RYR3: variants seen among roughly 807,000 people sequenced by gnomAD.
RYR3 encodes the protein ryanodine receptor 3, also known as brain ryanodine receptor-calcium release channel.
Under a neutral mutation model 584.3 loss-of-function variants are expected in RYR3, and 207 were observed. That is an observed-to-expected ratio of 0.35 (90% confidence interval 0.32 to 0.40). The LOEUF (loss-of-function observed/expected upper bound fraction) is 0.40, where lower values mean the gene tolerates loss of function less well. Among genes scored for constraint, RYR3 ranks in the 10% least tolerant of loss-of-function variants. The probability of loss-of-function intolerance (pLI) is 1.00; values close to 1 mark genes in which losing one functional copy is unlikely to be tolerated. For missense variants in RYR3, 5,616 were observed against 6,089.2 expected (o/e 0.92, Z 2.59); for synonymous variants, 2,416 against 2,248.5 (o/e 1.07, Z -2.11).
intron 38 of RYR3, among the ~76,000 whole-genome samples, chr15:33,693,250 A>G (rs1042479386): frequency 6.6e-6 from 1 of 152,366 alleles, no homozygotes; most frequent in African/African-American, 2.4e-5. Flanking sequence ...GTGATGCTGC[A>G]TGCCTGGTGC....
At chr15:33,768,316 T>A (rs926392099) in intron 60 of RYR3, among the ~76,000 whole-genome samples, 5 of 152,246 alleles carry the variant, frequency 3.3e-5, no homozygotes, top group Admixed American at 2.6e-4. Context: ...TCTTCATTTA[T>A]CCCTGAATGT....
chr15:33,399,130 C>A (rs1226152432), intron 1 of RYR3, among the ~76,000 whole-genome samples: 2 of 152,202 alleles, frequency 1.3e-5, no homozygotes, highest in African/African-American at 4.8e-5. Context: ...GGGCCAAATC[C>A]TGGCATTACC....
At chr15:33,422,795 A>G (rs1044851375) in intron 1 of RYR3, among the ~76,000 whole-genome samples, 1 of 152,200 alleles carries the variant, frequency 6.6e-6, no homozygotes, top group African/African-American at 2.4e-5. Flanking sequence ...TATCCCCTGT[A>G]AAACAGTTTA....
chr15:33,442,488 A>AT (rs2046309434), intron 1 of RYR3, among the ~76,000 whole-genome samples: 1 of 152,170 alleles, frequency 6.6e-6, no homozygotes, highest in African/African-American at 2.4e-5. Context: ...ACTATTTGAG[A>AT]ATTTCGGTAT....
Position 33,481,646 on chromosome 15 carries a change from A to G in RYR3, c.171+8108A>G, listed in dbSNP as rs1263698750. Among the ~76,000 whole-genome samples the G allele has an allele frequency of 2.6e-5, 4 of 151,672 alleles. No individual in the cohort carries two copies. In the East Asian group the frequency reaches 7.8e-4, roughly 29 times the overall value. On this transcript the variant is annotated intron_variant, in intron 2 of 103. Coordinates refer to ENST00000634891, the MANE Select transcript of RYR3 (RefSeq NM_001036.6). ...CAGGCACCTGCCACCAGGCCCAGCT[A>G]ATTTTTTGTATATTTAGTAGAGATG...
At chr15:33,736,365 C>A in intron 49 of RYR3, 40 bp downstream of exon 49, 1 of 1,394,060 alleles carries the variant, frequency 7.2e-7, no homozygotes, top group Non-Finnish European at 1.0e-6. Context: ...GTCTATTGCA[C>A]AGGAAACTTG....
chr15:33,483,312 C>T (rs1439335515), intron 2 of RYR3, among the ~76,000 whole-genome samples: 1 of 152,124 alleles, frequency 6.6e-6, no homozygotes, highest in East Asian at 1.9e-4. Flanking sequence ...CTTCTAATGA[C>T]TGACTTTGCT....
intron 1 of RYR3, among the ~76,000 whole-genome samples, chr15:33,319,001 G>A (rs1366473201): frequency 1.3e-5 from 2 of 152,286 alleles, no homozygotes; most frequent in Middle Eastern, 3.4e-3. Context: ...GCTAAGGGGA[G>A]CTGCTTATCC....
At chr15:33,822,042 G>A (rs1031210440) in intron 80 of RYR3, among the ~76,000 whole-genome samples, 5 of 70,930 alleles carry the variant, frequency 7.0e-5, no homozygotes, top group Admixed American at 2.7e-4. Flanking sequence ...TTGAGCAACT[G>A]TTTACTGACT....
chr15:33,821,234 G>C lies in RYR3; in HGVS notation c.10816-36G>C, dbSNP rs373352072. 2.2e-5 allele frequency: 34 copies of C among 1,511,948 alleles called. 1 individual carries two copies. In the African/African-American group the frequency reaches 5.2e-4, roughly 23 times the overall value. The allele number at this position is 1,511,948 out of a possible 1,614,324, so 93.7% of individuals were successfully genotyped here. A position where few individuals can be genotyped will look rare whatever the true frequency, so the allele number is the denominator to read the frequency against. ...GGGTGAACTCCCTGGTGCTGGGTAGGAACCAATCTTTCCCTGTGATTTTTT... is the reference window on the plus strand; with the variant it reads ...GGGTGAACTCCCTGGTGCTGGGTAGCAACCAATCTTTCCCTGTGATTTTTT... On this transcript the variant is annotated intron_variant, in intron 78 of 103. Transcript: ENST00000634891.
chr15:33,349,043 CT>C (rs1032042058), intron 1 of RYR3, among the ~76,000 whole-genome samples: 1 of 145,814 alleles, frequency 6.9e-6, no homozygotes, highest in Admixed American at 6.9e-5. Flanking sequence ...AGACTGGTTT[CT>C]TTTGCTTAGC....
In RYR3 at chr15:33,539,264, T is replaced by G. The variant is rs1337997129; in HGVS notation, c.434-86T>G. 5.1e-6 allele frequency: 4 copies of G among 788,676 alleles called. No individual in the cohort carries two copies. In the East Asian group the frequency reaches 1.1e-4, roughly 21 times the overall value. 48.9% of individuals were successfully genotyped at this position (788,676 alleles called of 1,614,324 possible). ...CACTTGTTGTGTGCACGTGAAGGGT[T>G]GTCCTAAGAGGAAGGAGAACAAGGA... is the stretch of plus-strand genomic sequence containing the variant. On this transcript the variant is annotated intron_variant, in intron 5 of 103. Transcript: ENST00000634891.
At chr15:33,560,451 A>ATT (rs3838862) in intron 10 of RYR3, among the ~76,000 whole-genome samples, 75,975 of 150,788 alleles carry the variant, frequency 0.5, 19,687 homozygotes, top group South Asian at 0.64. Flanking sequence ...AGATCTTTGT[A>ATT]TTTTTTTTTT....
Position 33,544,735 on chromosome 15 carries a change from A to G in RYR3, c.740+1020A>G, listed in dbSNP as rs76159922. On this transcript the variant is annotated intron_variant, in intron 8 of 103. Coordinates refer to ENST00000634891, the MANE Select transcript of RYR3 (RefSeq NM_001036.6). ...AGTTCTGAGTCTCTTCCTACTTGCTATCTACTCTGAATACCCTTTCATAGG... is the reference window on the plus strand; with the variant it reads ...AGTTCTGAGTCTCTTCCTACTTGCTGTCTACTCTGAATACCCTTTCATAGG... Among the ~76,000 whole-genome samples, 814 of 152,232 alleles carry G rather than the reference A, an allele frequency of 5.3e-3. 6 individuals are homozygous for G. Among genetic ancestry groups the G allele is most frequent in the African/African-American group, 0.016 (679 of 41,544 alleles).
chr15:33,534,900 G>A (rs2055196996), intron 5 of RYR3, among the ~76,000 whole-genome samples: 2 of 152,320 alleles, frequency 1.3e-5, no homozygotes, highest in South Asian at 4.1e-4. Context: ...TCCATTTAGA[G>A]GTTGGGCTAG....
chr15:33,435,714 G>C (rs185298282), intron 1 of RYR3, among the ~76,000 whole-genome samples: 1 of 152,102 alleles, frequency 6.6e-6, no homozygotes, highest in African/African-American at 2.4e-5. Flanking sequence ...TGTTCCTCCC[G>C]GTAGGTTCCT....
chr15:33,822,351 AG>A (rs1407141919), intron 80 of RYR3, among the ~76,000 whole-genome samples: 5 of 152,332 alleles, frequency 3.3e-5, no homozygotes, highest in Non-Finnish European at 7.4e-5. Context: ...GTTATATCCC[AG>A]GGCCTGTGAG....
chr15:33,420,715 GTTTA>G (rs1251926426), intron 1 of RYR3, among the ~76,000 whole-genome samples: 3 of 152,008 alleles, frequency 2.0e-5, no homozygotes, highest in South Asian at 2.1e-4. Flanking sequence ...CTGAGCTGCT[GTTTA>G]TTTGTCTAGT....
At chr15:33,449,562 T>C (rs2046940495) in intron 1 of RYR3, among the ~76,000 whole-genome samples, 1 of 152,220 alleles carries the variant, frequency 6.6e-6, no homozygotes, top group African/African-American at 2.4e-5. Context: ...GGCAGAATAT[T>C]AAATATATTA....
Sources: gnomAD v4.1 joint callset for allele counts (sites outside exome capture counted in the v4.1 genomes callset) on GRCh38, gnomAD v4.1.1 for gene constraint, MANE v1.5 for transcripts, NCBI Gene and HGNC (gene_info 2026-07-23, HGNC 2026-07-21) for gene names.